Variants in ZNF385B observed in about 807,000 individuals in gnomAD.
The protein encoded by ZNF385B is zinc finger protein 385B.
A neutral mutation model predicts 39.2 loss-of-function variants in ZNF385B; 23 were observed. The ratio of observed to expected loss-of-function variants is 0.59; its 90% CI spans 0.42 to 0.83. ZNF385B has a LOEUF of 0.83. ZNF385B is among the 40% of genes least tolerant of loss of function. The pLI is 0.00. For missense variants in ZNF385B, 552 were observed against 598.9 expected (o/e 0.92, Z 0.82); for synonymous variants, 205 against 222.6 (o/e 0.92, Z 0.70).
At chr2:179,715,475 A>C (rs1395737100) in intron 3 of ZNF385B, among the ~76,000 whole-genome samples, 2 of 152,232 alleles carry the variant, frequency 1.3e-5, no homozygotes, top group African/African-American at 2.4e-5. Flanking sequence ...AAAGGGATTT[A>C]CTGAGAAAGC....
chr2:179,509,591 T>C (rs2057512105), intron 5 of ZNF385B, among the ~76,000 whole-genome samples: 1 of 152,230 alleles, frequency 6.6e-6, no homozygotes, highest in Admixed American at 6.5e-5. Flanking sequence ...AATTACCTCC[T>C]ATCTGCTTCA....
chr2:179,532,984 A>C (rs1224853543), intron 4 of ZNF385B, among the ~76,000 whole-genome samples: 1 of 152,166 alleles, frequency 6.6e-6, no homozygotes, highest in South Asian at 2.1e-4. Context: ...GGCTGAAGCA[A>C]ATGTAAAAGG....
chr2:179,550,509 A>T (rs954511038), intron 3 of ZNF385B, among the ~76,000 whole-genome samples: 1 of 149,870 alleles, frequency 6.7e-6, no homozygotes, highest in African/African-American at 2.5e-5. Context: ...TAAAAAACTT[A>T]GCAGCTGTTT....
intron 6 of ZNF385B, among the ~76,000 whole-genome samples, chr2:179,469,683 G>T (rs1397091242): frequency 6.6e-6 from 1 of 152,124 alleles, no homozygotes; most frequent in Non-Finnish European, 1.5e-5. Flanking sequence ...TACAGAGAAG[G>T]TTAAAGGCCC....
chr2:179,451,284 A>G (rs2105588198), intron 6 of ZNF385B, among the ~76,000 whole-genome samples: 1 of 151,312 alleles, frequency 6.6e-6, no homozygotes, highest in Middle Eastern at 3.4e-3. Flanking sequence ...AATGAGTGGG[A>G]AGAAAATGAG....
chr2:179,735,663 A>G (rs1701698153), intron 3 of ZNF385B, among the ~76,000 whole-genome samples: 1 of 150,320 alleles, frequency 6.7e-6, no homozygotes, highest in African/African-American at 2.4e-5. Flanking sequence ...CTGGATTAAG[A>G]AAATGTGGCA....
chr2:179,467,306 A>G (rs2105501295), intron 6 of ZNF385B, among the ~76,000 whole-genome samples: 1 of 152,252 alleles, frequency 6.6e-6, no homozygotes, highest in South Asian at 2.1e-4. Context: ...TTTAGCTCAT[A>G]ACACCCACTA....
chr2:179,851,640 G>T (rs1684169714), intron 1 of ZNF385B, among the ~76,000 whole-genome samples: 1 of 152,158 alleles, frequency 6.6e-6, no homozygotes, highest in African/African-American at 2.4e-5. Flanking sequence ...ACTATTGCTG[G>T]ATTTTAAAAT....
intron 4 of ZNF385B, among the ~76,000 whole-genome samples, chr2:179,535,994 T>C (rs1305283218): frequency 6.6e-6 from 1 of 152,170 alleles, no homozygotes; most frequent in Non-Finnish European, 1.5e-5. Flanking sequence ...TTGATAAAAG[T>C]TTTTCAGAGG....
At chr2:179,524,556 A>AAAAG (rs2058755606) in intron 4 of ZNF385B, among the ~76,000 whole-genome samples, 2 of 22,022 alleles carry the variant, frequency 9.1e-5, no homozygotes, top group African/African-American at 2.0e-4. Context: ...CGTCTCAAAA[A>AAAAG]AAAAAAAAAA....
At chr2:179,675,188 A>G (rs1696584115) in intron 3 of ZNF385B, among the ~76,000 whole-genome samples, 2 of 152,260 alleles carry the variant, frequency 1.3e-5, no homozygotes. Context: ...GGTAAGCTAG[A>G]GAAAAGAAAA....
rs534612479 is a variant in ZNF385B at position 179,852,203 on chromosome 2, G to A, written c.-155+8898C>T. 2.5e-4 allele frequency among the ~76,000 whole-genome samples: 38 copies of A among 152,312 alleles called. No individual in the cohort carries two copies. In the South Asian group the frequency reaches 6.8e-3, roughly 27 times the overall value. On this transcript the variant is annotated intron_variant, in intron 1 of 9. Transcript: ENST00000410066. ...AGGGAAGGCAGGAAGGGACCATAGA[G>A]AAAGAAGCCTATTTCTTACCATAAA...
At chr2:179,503,430 T>C (rs2056943670) in intron 5 of ZNF385B, among the ~76,000 whole-genome samples, 1 of 152,228 alleles carries the variant, frequency 6.6e-6, no homozygotes, top group Non-Finnish European at 1.5e-5. Context: ...AAATGAAAAC[T>C]AATGCAAAAG....
chr2:179,493,184 T>C (rs2055430365), intron 5 of ZNF385B, among the ~76,000 whole-genome samples: 1 of 152,098 alleles, frequency 6.6e-6, no homozygotes, highest in African/African-American at 2.4e-5. Flanking sequence ...ATTGTTTTAA[T>C]TCAACTCAAT....
intron 3 of ZNF385B, among the ~76,000 whole-genome samples, chr2:179,753,143 T>C (rs1702784617): frequency 6.6e-6 from 1 of 152,242 alleles, no homozygotes. Context: ...GTTTCAGCTT[T>C]CTACATATGG....
At chr2:179,545,479 G>C (rs2060174446) in intron 3 of ZNF385B, among the ~76,000 whole-genome samples, 1 of 151,868 alleles carries the variant, frequency 6.6e-6, no homozygotes, top group Admixed American at 6.6e-5. Flanking sequence ...GATTCAACTT[G>C]TTCTCTTAAA....
chr2:179,669,427 C>A (rs1277781264), intron 3 of ZNF385B, among the ~76,000 whole-genome samples: 1 of 152,142 alleles, frequency 6.6e-6, no homozygotes, highest in Non-Finnish European at 1.5e-5. Flanking sequence ...TTAGGTGGGG[C>A]CTGTCATCAG....
chr2:179,765,570 A>G (rs1030967433), intron 3 of ZNF385B, among the ~76,000 whole-genome samples: 1 of 152,170 alleles, frequency 6.6e-6, no homozygotes, highest in East Asian at 1.9e-4. Context: ...GCTGTGGTAC[A>G]TGTAAAATAT....
At chr2:179,813,514 A>C (rs1210111750) in intron 1 of ZNF385B, among the ~76,000 whole-genome samples, 2 of 152,208 alleles carry the variant, frequency 1.3e-5, no homozygotes, top group Admixed American at 6.5e-5. Context: ...TCAACAAAAA[A>C]CTACCAAAAC....
Sources: gnomAD v4.1 joint callset for allele counts (sites outside exome capture counted in the v4.1 genomes callset) on GRCh38, gnomAD v4.1.1 for gene constraint, MANE v1.5 for transcripts, NCBI Gene and HGNC (gene_info 2026-07-23, HGNC 2026-07-21) for gene names.